Variants in ANAPC2 observed in about 807,000 individuals in gnomAD.
ANAPC2 encodes anaphase promoting complex subunit 2.
In ANAPC2, 29 loss-of-function variants were observed where a neutral mutation model predicts 84.3. The ratio of observed to expected loss-of-function variants is 0.34; its 90% CI spans 0.26 to 0.47. ANAPC2 has a LOEUF of 0.47. Among genes scored for constraint, ANAPC2 ranks in the 20% least tolerant of loss-of-function variants. The pLI is 1.00. For missense variants in ANAPC2, 857 were observed against 1,131.7 expected, an observed-to-expected ratio of 0.76 and a Z score of 3.48; for synonymous variants, 571 against 479.4, an observed-to-expected ratio of 1.19 and a Z score of -2.50.
At chr9:137,178,704 G>A (rs1172787687) in intron 10 of ANAPC2, among the ~76,000 whole-genome samples, 2 of 152,044 alleles carry the variant, frequency 1.3e-5, no homozygotes, top group African/African-American at 4.8e-5. Flanking sequence ...ACCGAGAGCA[G>A]GTGCAAGCCA....
In ANAPC2 at chr9:137,187,798, C is replaced by G; in HGVS notation, c.423G>C (p.Leu141=). 6.2e-7 allele frequency: 1 copy of G among 1,613,662 alleles called. No individual in the cohort carries two copies. Among genetic ancestry groups the G allele is most frequent in the South Asian group, 1.1e-5 (1 of 91,088 alleles). ...GCAGCCCCTGAGCACCAGTGCCCAT[C>G]AGCAAGCCCAGGCGAGTCCATTTCT... ...LLEKWTRLGL[L]MGTGAQGLRE... is the part of the protein sequence containing the mutation. Residue 141 remains leucine (L), a synonymous_variant, in exon 2 of 13, where the codon CTG becomes CTC. Coordinates refer to ENST00000323927, the MANE Select transcript of ANAPC2 (RefSeq NM_013366.4).
chr9:137,188,384 C>A (rs968127071), intron 1 of ANAPC2, 32 bp downstream of exon 1: 13 of 1,588,468 alleles, frequency 8.2e-6, no homozygotes, highest in South Asian at 1.1e-5. Context: ...GGAAACTCCG[C>A]GCGGGGCCGC....
rs1046739593 is a variant in ANAPC2 at position 137,188,012 on chromosome 9, A to T, written c.209T>A (p.Val70Asp). The T allele has an allele frequency of 1.2e-6, 2 of 1,613,794 alleles. No homozygotes were observed. The highest frequency in any genetic ancestry group is 1.7e-6 in the Non-Finnish European group (2 of 1,180,016). The stretch of plus-strand genomic sequence containing the variant: ...CACCTCCACGAACCACTCCTCCAGG[A>T]CCGAGTGTAGCCCGTGGCCCCTCAG... ...EVLRGHGLHSVLEEWFVEVLQ... is the reference protein window; with the variant it reads ...EVLRGHGLHSDLEEWFVEVLQ... Residue 70 changes from valine (V) to aspartate (D), a missense_variant, in exon 2 of 13, where the codon GTC becomes GAC. Around this residue, in one of 3 missense-constraint regions of ANAPC2, gnomAD observed 428 missense variants for 513.8 expected, o/e 0.83. Transcript: ENST00000323927.
intron 2 of ANAPC2, chr9:137,187,143 G>A (rs1168038658): frequency 3.3e-6 from 1 of 300,496 alleles, no homozygotes. Context: ...GAATGTCGAC[G>A]AGGGTGAGAA....
intron 3 of ANAPC2, among the ~76,000 whole-genome samples, chr9:137,185,465 A>G (rs1834444774): frequency 6.6e-6 from 1 of 151,910 alleles, no homozygotes; most frequent in Non-Finnish European, 1.5e-5. Flanking sequence ...GGCGAGCACA[A>G]ACCTCTAGGT....
intron 10 of ANAPC2, among the ~76,000 whole-genome samples, chr9:137,178,738 G>GACCCTCCACACCCTCCAGGTGT (rs1834276881): frequency 6.6e-6 from 1 of 151,792 alleles, no homozygotes; most frequent in Non-Finnish European, 1.5e-5. Context: ...CAAGCTGCAA[G>GACCCTCCACACCCTCCAGGTGT]GGACACCTGG....
chr9:137,182,520 A>G (rs1206533233), intron 6 of ANAPC2, among the ~76,000 whole-genome samples: 1 of 151,928 alleles, frequency 6.6e-6, no homozygotes, highest in Non-Finnish European at 1.5e-5. Context: ...AAAAAAAAAG[A>G]AAAAACAAAG....
intron 6 of ANAPC2, among the ~76,000 whole-genome samples, chr9:137,182,592 C>T (rs1834367696): frequency 6.6e-6 from 1 of 152,200 alleles, no homozygotes; most frequent in South Asian, 2.1e-4. Context: ...AGGTAGGGGC[C>T]AGACTCCACC....
At chr9:137,182,335 A>C (rs1834361415) in intron 6 of ANAPC2, among the ~76,000 whole-genome samples, 1 of 152,144 alleles carries the variant, frequency 6.6e-6, no homozygotes, top group Non-Finnish European at 1.5e-5. Flanking sequence ...ACATGGTGAA[A>C]CCCCATCTCT....
rs138972191 is a variant in ANAPC2, at chr9:137,182,215, A to C, written c.1287-353T>G. Among the ~76,000 whole-genome samples the C allele has an allele frequency of 1.1e-3, 174 of 152,256 alleles. 1 individual carries two copies. The East Asian group carries it at 0.03, about 26-fold the overall frequency. ...GAGAGCCTGCCTCAAAAAAAAGAAAAAGAAAAAGAAAAAAGGGCCGGGCAC... is the reference window on the plus strand; with the variant it reads ...GAGAGCCTGCCTCAAAAAAAAGAAACAGAAAAAGAAAAAAGGGCCGGGCAC... On this transcript the variant is annotated intron_variant, in intron 6 of 12. Transcript: ENST00000323927.
At chr9:137,178,056 G>C (rs1194156115) in intron 10 of ANAPC2, among the ~76,000 whole-genome samples, 1 of 152,204 alleles carries the variant, frequency 6.6e-6, no homozygotes, top group Non-Finnish European at 1.5e-5. Flanking sequence ...TAGCACTGGG[G>C]CACTGACACA....
Position 137,188,445 on chromosome 9 carries a change from C to T in ANAPC2, c.88G>A (p.Gly30Ser), listed in dbSNP as rs1334181299. 1 of 1,609,578 alleles carries T rather than the reference C, an allele frequency of 6.2e-7. No individual in the cohort carries two copies. Among genetic ancestry groups the T allele is most frequent in the Non-Finnish European group, 8.5e-7 (1 of 1,179,488 alleles). ...CCCAGCGCAGCCGGCGGCACCAGGC[C>T]GGTGCTCACGGTGTTCCAGGCCACT... ...LLVAWNTVST[G>S]LVPPAALGLV... Residue 30 changes from glycine to serine, a missense_variant, in exon 1 of 13, where the codon GGC becomes AGC. Physicochemically the swap from Gly to Ser is moderately conservative, Grantham distance 56. Around this residue, in one of 3 missense-constraint regions of ANAPC2, gnomAD observed 428 missense variants for 513.8 expected, o/e 0.83. Transcript: ENST00000323927.
intron 3 of ANAPC2, among the ~76,000 whole-genome samples, chr9:137,185,387 T>G (rs1834442610): frequency 6.6e-6 from 1 of 152,230 alleles, no homozygotes; most frequent in South Asian, 2.1e-4. Flanking sequence ...CTGTGCGCTG[T>G]GCCTGGTGGG....
Position 137,186,227 on chromosome 9 carries a change from G to T in ANAPC2, c.870C>A (p.His290Gln), listed in dbSNP as rs547317235. 6 of 1,612,652 alleles carry T rather than the reference G, an allele frequency of 3.7e-6. No homozygotes were observed. In the South Asian group the frequency reaches 6.6e-5, roughly 18 times the overall value. ...AGCCCAAGGGAGGGGTCCTCACCTT[G>T]TGGAACTCACGCAGGAAGGAGCGCT... Reference protein sequence around the residue: ...EYERSFLREFHKWIERVVGWL... With the variant: ...EYERSFLREFQKWIERVVGWL... The change falls in exon 3 of 13, where the codon CAC (histidine) becomes CAA (glutamine). Residue 290 changes from histidine to glutamine, a missense_variant. Physicochemically the swap from His to Gln is conservative, Grantham distance 24 (BLOSUM62 0). Around this residue, in one of 3 missense-constraint regions of ANAPC2, gnomAD observed 428 missense variants for 513.8 expected, o/e 0.83. Coordinates refer to ENST00000323927, the MANE Select transcript of ANAPC2 (RefSeq NM_013366.4).
chr9:137,180,475 G>T lies in ANAPC2; in HGVS notation c.1663C>A (p.His555Asn). 6.2e-7 allele frequency: 1 copy of T among 1,613,014 alleles called. No individual in the cohort carries two copies. The highest frequency in any genetic ancestry group is 1.1e-5 in the South Asian group (1 of 91,084). The change falls in exon 9 of 13, where the codon CAC becomes AAC. Residue 555 changes from histidine (H) to asparagine (N), a missense_variant. His to Asn is a moderately conservative substitution (Grantham distance 68). Transcript: ENST00000323927. ...LKLRFGEAPM[H>N]FCEVMLKDMA... ...ACCTTCAGCATGACTTCACAGAAGT[G>T]CATTGGGGCCTCGCCAAAGCGCAGC...
chr9:137,180,641 C>A, intron 8 of ANAPC2, 114 bp from the exon 9 acceptor site: 1 of 1,571,968 alleles, frequency 6.4e-7, no homozygotes, highest in Non-Finnish European at 8.7e-7. Context: ...TGTGGGCACC[C>A]CAATGGCTAG....
At position 137,175,341 on chromosome 9, in the gene ANAPC2, C is replaced by G; in HGVS notation, c.2152G>C (p.Glu718Gln). Residue 718 changes from glutamate to glutamine, a missense_variant, in exon 12 of 13, where the codon GAG (glutamate) becomes CAG (glutamine). Physicochemically the swap from Glu to Gln is conservative, Grantham distance 29. Around this residue, in one of 3 missense-constraint regions of ANAPC2, gnomAD observed 425 missense variants for 595.5 expected, o/e 0.71. Transcript: ENST00000323927. ...EPPGTFSVIE[E>Q]ERPQDRDNMV... The stretch of plus-strand genomic sequence containing the variant: ...TTGTCCCGGTCCTGAGGCCGCTCCT[C>G]CTCAATGACAGAGAAGGTGCCGGGG... 6.2e-7 allele frequency: 1 copy of G among 1,612,564 alleles called. No homozygotes were observed. Among genetic ancestry groups the G allele is most frequent in the Non-Finnish European group, 8.5e-7 (1 of 1,179,850 alleles).
At chr9:137,183,265 C>T (rs763604996) in intron 5 of ANAPC2, 23 bp from the exon 6 acceptor site, 1 of 1,585,040 alleles carries the variant, frequency 6.3e-7, no homozygotes, top group Non-Finnish European at 8.7e-7. Context: ...CAGAAGCCAG[C>T]AGTCATGCAG....
chr9:137,180,426 G>A (rs374238783), intron 9 of ANAPC2, 26 bp downstream of exon 9: 132 of 1,612,616 alleles, frequency 8.2e-5, no homozygotes, highest in African/African-American at 2.8e-4. Context: ...CGGGGCGGCC[G>A]GGCAGCGGGC....
Sources: gnomAD v4.1 joint callset for allele counts (sites outside exome capture counted in the v4.1 genomes callset) on GRCh38, gnomAD v4.1.1 for gene constraint, gnomAD v4.1.1 regional missense constraint, MANE v1.5 for transcripts, NCBI Gene and HGNC (gene_info 2026-07-23, HGNC 2026-07-21) for gene names.